Variants in RAD50 observed in about 807,000 individuals in gnomAD.
RAD50 encodes the protein DNA repair protein RAD50.
RAD50 carries 132 observed loss-of-function variants against 168.8 expected under a neutral mutation model. The ratio of observed to expected loss-of-function variants is 0.78; its 90% CI spans 0.68 to 0.90. The LOEUF is 0.90. Ranked by LOEUF, RAD50 falls within the 40% of genes least tolerant of loss-of-function variation. The probability of loss-of-function intolerance (pLI) is 0.00; values close to 1 mark genes in which losing one functional copy is unlikely to be tolerated. For synonymous variants in RAD50, 525 were observed against 497.4 expected (o/e 1.06, Z -0.74); for missense variants, 1,347 against 1,534.4 (o/e 0.88, Z 2.04).
chr5:132,618,366 A>C (rs1561650982), intron 21 of RAD50, 72 bp downstream of exon 21: 1 of 1,574,120 alleles, frequency 6.4e-7, no homozygotes, highest in Non-Finnish European at 8.6e-7. Flanking sequence ...CTTTTCTCTC[A>C]TTTTTTTCTT....
intron 10 of RAD50, 93 bp downstream of exon 10, chr5:132,591,499 G>T: frequency 8.0e-7 from 1 of 1,256,264 alleles, no homozygotes; most frequent in East Asian, 2.5e-5. Flanking sequence ...GTATTAAGTT[G>T]GTATTGACTA....
intron 5 of RAD50, among the ~76,000 whole-genome samples, chr5:132,586,144 A>G (rs1377265143): frequency 6.6e-6 from 1 of 151,506 alleles, no homozygotes; most frequent in Non-Finnish European, 1.5e-5. Flanking sequence ...TATATGCTTC[A>G]TTTCAGAATC....
chr5:132,645,315 TTA>T lies in RAD50; in HGVS notation c.*2953_*2954del, dbSNP rs1316890828. The T allele has an allele frequency of 6.6e-6, 1 of 152,284 alleles. No homozygotes were observed. Among genetic ancestry groups the T allele is most frequent in the African/African-American group, 2.4e-5 (1 of 41,442 alleles). 9.4% of individuals were successfully genotyped at this position (152,284 alleles called of 1,614,324 possible). On this transcript the variant is annotated 3_prime_UTR_variant, in exon 25 of 25. Coordinates refer to ENST00000378823, the MANE Select transcript of RAD50 (RefSeq NM_005732.4). Reference sequence around the variant, plus strand: ...TCAACTTAAATTCCATGGCTCATCATTATGTCACCCTCCACTGCATTGTACTC... The same window carrying T: ...TCAACTTAAATTCCATGGCTCATCATTGTCACCCTCCACTGCATTGTACTC...
chr5:132,603,372 C>T lies in RAD50; in HGVS notation c.2280C>T (p.Asp760=), dbSNP rs1750921861. 1 of 1,613,746 alleles carries T rather than the reference C, an allele frequency of 6.2e-7. No homozygotes were observed. The highest frequency in any genetic ancestry group is 1.1e-5 in the South Asian group (1 of 91,060). Residue 760 remains aspartate, a synonymous_variant, in exon 14 of 25, where the codon GAC becomes GAT. Transcript: ENST00000378823. The part of the protein sequence containing the change: ...LRNKLQNVNR[D]IQRLKNDIEE... ...ACAAACTGCAGAATGTCAATAGAGA[C>T]ATACAGCGCCTAAAGAACGACATAG...
chr5:132,559,468 T>G, intron 2 of RAD50, 101 bp downstream of exon 2: 1 of 1,269,298 alleles, frequency 7.9e-7, no homozygotes. Context: ...GAAATGAAAG[T>G]CAGCCCCACA....
intron 5 of RAD50, among the ~76,000 whole-genome samples, chr5:132,581,462 G>A (rs1038668706): frequency 1.3e-5 from 2 of 152,188 alleles, no homozygotes; most frequent in Non-Finnish European, 2.9e-5. Context: ...AGTAATATGT[G>A]CCCCTAGTAA....
chr5:132,595,232 T>A, intron 12 of RAD50, 188 bp downstream of exon 12: 1 of 650,750 alleles, frequency 1.5e-6, no homozygotes, highest in South Asian at 1.9e-5. Context: ...TGTGTTTCAT[T>A]GTCTATAAAA....
intron 5 of RAD50, among the ~76,000 whole-genome samples, chr5:132,581,181 A>G (rs2149838353): frequency 6.6e-6 from 1 of 151,892 alleles, no homozygotes; most frequent in Middle Eastern, 3.4e-3. Context: ...GCTCACTGCA[A>G]CCTCTGCCTC....
At chr5:132,620,626 TC>T (rs1345826915) in intron 21 of RAD50, among the ~76,000 whole-genome samples, 2 of 152,156 alleles carry the variant, frequency 1.3e-5, no homozygotes, top group Non-Finnish European at 2.9e-5. Flanking sequence ...TTTTCTTGAC[TC>T]CTCCTTTTTC....
intron 22 of RAD50, among the ~76,000 whole-genome samples, chr5:132,637,716 T>C (rs1014850380): frequency 6.6e-6 from 1 of 152,070 alleles, no homozygotes; most frequent in Non-Finnish European, 1.5e-5. Context: ...GTATTCTTAG[T>C]AGAGATGGGG....
chr5:132,556,982 A>G lies in RAD50; in HGVS notation c.-343A>G. On this transcript the variant is annotated 5_prime_UTR_variant, in exon 1 of 25. Coordinates refer to ENST00000378823, the MANE Select transcript of RAD50 (RefSeq NM_005732.4). Reference sequence around the variant, plus strand: ...GCGTGCGGGCCTAGAGGCCCACGTGATCCGCAGGGCGGCCGAGGCAGGAAG... The same window carrying G: ...GCGTGCGGGCCTAGAGGCCCACGTGGTCCGCAGGGCGGCCGAGGCAGGAAG... 1.1e-6 allele frequency: 1 copy of G among 915,644 alleles called. No homozygotes were observed. The highest frequency in any genetic ancestry group is 1.5e-6 in the Non-Finnish European group (1 of 665,734). 56.7% of individuals were successfully genotyped at this position (915,644 alleles called of 1,614,324 possible).
At chr5:132,635,442 G>A (rs536098892) in intron 21 of RAD50, among the ~76,000 whole-genome samples, 1 of 152,218 alleles carries the variant, frequency 6.6e-6, no homozygotes, top group South Asian at 2.1e-4. Context: ...ACGAAGATGA[G>A]TTAATGGTCC....
At chr5:132,610,361 A>G (rs1336488701) in intron 19 of RAD50, among the ~76,000 whole-genome samples, 1 of 152,162 alleles carries the variant, frequency 6.6e-6, no homozygotes, top group East Asian at 1.9e-4. Context: ...AAATATTTAT[A>G]TATTAAGTCA....
chr5:132,601,968 G>A (rs1055585086), intron 13 of RAD50, among the ~76,000 whole-genome samples: 7 of 152,050 alleles, frequency 4.6e-5, no homozygotes, highest in African/African-American at 1.7e-4. Flanking sequence ...CACACACACT[G>A]GGGCCTGTCT....
At chr5:132,590,069 A>C (rs1202992865) in intron 9 of RAD50, among the ~76,000 whole-genome samples, 1 of 152,206 alleles carries the variant, frequency 6.6e-6, no homozygotes, top group Admixed American at 6.5e-5. Flanking sequence ...CTGTACTCAG[A>C]CCTTAAAGCT....
At chr5:132,564,887 C>T (rs1750181018) in intron 2 of RAD50, among the ~76,000 whole-genome samples, 2 of 152,270 alleles carry the variant, frequency 1.3e-5, no homozygotes, top group South Asian at 4.2e-4. Context: ...GCAGCTTCCA[C>T]ATGGTGTTAA....
chr5:132,564,834 T>C (rs1345995731), intron 2 of RAD50, among the ~76,000 whole-genome samples: 1 of 152,000 alleles, frequency 6.6e-6, no homozygotes, highest in Non-Finnish European at 1.5e-5. Context: ...GCCCCAGATA[T>C]ATCTTAAGCT....
chr5:132,608,227 T>C (rs1751018392), intron 16 of RAD50, among the ~76,000 whole-genome samples: 1 of 152,212 alleles, frequency 6.6e-6, no homozygotes, highest in Admixed American at 6.5e-5. Context: ...CGGGCACCTA[T>C]AAAATCATGA....
At position 132,609,269 on chromosome 5, in the gene RAD50, T is replaced by G; in HGVS notation, c.2923-14T>G. The G allele has an allele frequency of 6.2e-7, 1 of 1,607,676 alleles. No homozygotes were observed. Among genetic ancestry groups the G allele is most frequent in the African/African-American group, 1.4e-5 (1 of 72,050 alleles). ...ATTTTTATTCATGTGCTTAAAGAAT[T>G]TTCTTTTTTGTAGCAAAAAGAAACT... On this transcript the variant is annotated splice_polypyrimidine_tract_variant and intron_variant, in intron 18 of 24. Transcript: ENST00000378823.
Sources: allele counts gnomAD v4.1 joint callset (sites outside exome capture counted in the v4.1 genomes callset), GRCh38; gene constraint gnomAD v4.1.1; transcripts MANE v1.5; gene names NCBI Gene and HGNC (gene_info 2026-07-23, HGNC 2026-07-21).